BCL2L13: variants seen among roughly 807,000 people sequenced by gnomAD.
BCL2L13 encodes BCL2 like 13, also known as bcl-2-like protein 13.
A neutral mutation model predicts 25.8 loss-of-function variants in BCL2L13; 13 were observed. That is an observed-to-expected ratio of 0.50 (90% CI 0.33 to 0.80). BCL2L13 has a LOEUF of 0.80. Among genes scored for constraint, BCL2L13 ranks in the 30% least tolerant of loss-of-function variants. The pLI is 0.02. For missense variants in BCL2L13, 504 were observed against 574.9 expected (o/e 0.88, Z 1.26); for synonymous variants, 244 against 230.3 (o/e 1.06, Z -0.54).
intron 3 of BCL2L13, among the ~76,000 whole-genome samples, chr22:17,684,943 A>G (rs553885985): frequency 2.0e-5 from 3 of 152,206 alleles, no homozygotes; most frequent in African/African-American, 4.8e-5. Context: ...CGTGTTAGCC[A>G]GGATGGTCTC....
At chr22:17,656,752 A>G (rs1176086872) in intron 2 of BCL2L13, among the ~76,000 whole-genome samples, 1 of 151,998 alleles carries the variant, frequency 6.6e-6, no homozygotes, top group Non-Finnish European at 1.5e-5. Flanking sequence ...TTATACTTTC[A>G]CTTACAATTG....
chr22:17,665,836 C>T (rs1022091864), intron 2 of BCL2L13, among the ~76,000 whole-genome samples: 3 of 151,850 alleles, frequency 2.0e-5, no homozygotes, highest in African/African-American at 4.8e-5. Context: ...AATAATATGC[C>T]GTTGTATGAA....
At chr22:17,665,087 A>G (rs2056162495) in intron 2 of BCL2L13, among the ~76,000 whole-genome samples, 2 of 152,222 alleles carry the variant, frequency 1.3e-5, no homozygotes, top group Non-Finnish European at 2.9e-5. Context: ...CTACTGCATC[A>G]TCAGACTGCA....
At position 17,709,841 on chromosome 22, in the gene BCL2L13, G is replaced by A. The variant is rs542643043; in HGVS notation, c.600+7455G>A. Among the ~76,000 whole-genome samples the A allele has an allele frequency of 5.7e-4, 87 of 151,958 alleles. 1 individual carries two copies. The highest frequency in any genetic ancestry group is 1.9e-3 in the African/African-American group (80 of 41,448). The stretch of plus-strand genomic sequence containing the variant: ...TGTAATCCCAGCACTTTGGGAGGCC[G>A]AGGCAGGCAGATTGCCCAAGTCCAG... On this transcript the variant is annotated intron_variant, in intron 6 of 6. Transcript: ENST00000317582.
At chr22:17,644,346 T>G (rs1392744165) in intron 1 of BCL2L13, among the ~76,000 whole-genome samples, 3 of 151,048 alleles carry the variant, frequency 2.0e-5, no homozygotes, top group Non-Finnish European at 4.4e-5. Context: ...TTTTTTTTTT[T>G]TTTGAGACAG....
intron 1 of BCL2L13, 41 bp downstream of exon 1, chr22:17,638,927 G>A: frequency 8.1e-7 from 1 of 1,228,080 alleles, no homozygotes; most frequent in Non-Finnish European, 1.0e-6. Context: ...GCTGGGTGAG[G>A]AGGTGGTTTT....
chr22:17,697,307 G>A (rs1324677839), intron 5 of BCL2L13, among the ~76,000 whole-genome samples: 1 of 152,040 alleles, frequency 6.6e-6, no homozygotes, highest in Non-Finnish European at 1.5e-5. Context: ...GCATGGTGGC[G>A]CATGCCTGTA....
rs1465170021 is a variant in BCL2L13, at chr22:17,686,542, G to A, written c.230-2444G>A. On this transcript the variant is annotated intron_variant, in intron 3 of 6. Transcript: ENST00000317582. ...CTTTTTTTTTTTGAGACAGAGTCTC[G>A]CTCTGTCACCCAGGCTGGAGTGCAG... Among the ~76,000 whole-genome samples, 11 of 139,102 alleles carry A rather than the reference G, an allele frequency of 7.9e-5. No individual in the cohort carries two copies. In the South Asian group the frequency reaches 2.3e-3, roughly 29 times the overall value. 91.3% of individuals were successfully genotyped at this position (139,102 alleles called of 152,430 possible). A position where few individuals can be genotyped will look rare whatever the true frequency, so the allele number is the denominator to read the frequency against.
chr22:17,656,939 C>G (rs1441326869), intron 2 of BCL2L13, among the ~76,000 whole-genome samples: 3 of 152,148 alleles, frequency 2.0e-5, no homozygotes, highest in African/African-American at 4.8e-5. Context: ...CTGCCTCAGC[C>G]TCTCAAGGAG....
rs536310313 is a variant in BCL2L13, at chr22:17,677,985, C to G, written c.122-5229C>G. ...CGCTTGAGCCTAAGAGGTTGAGGCTCTTGTGAGCCATGATAGTGCCACTGC... is the reference window on the plus strand; with the variant it reads ...CGCTTGAGCCTAAGAGGTTGAGGCTGTTGTGAGCCATGATAGTGCCACTGC... On this transcript the variant is annotated intron_variant, in intron 2 of 6. Transcript: ENST00000317582. Among the ~76,000 whole-genome samples, 20 of 152,228 alleles carry G rather than the reference C, an allele frequency of 1.3e-4. No individual in the cohort carries two copies. The South Asian group carries it at 3.9e-3, about 30-fold the overall frequency.
chr22:17,719,527 A>G (rs2061042339), intron 6 of BCL2L13, among the ~76,000 whole-genome samples: 1 of 152,196 alleles, frequency 6.6e-6, no homozygotes, highest in African/African-American at 2.4e-5. Context: ...CAGCTAATTA[A>G]TAAGTAAAAT....
chr22:17,644,155 C>T (rs1218972231), intron 1 of BCL2L13, among the ~76,000 whole-genome samples: 1 of 151,004 alleles, frequency 6.6e-6, no homozygotes, highest in Non-Finnish European at 1.5e-5. Context: ...AGGTGATCTG[C>T]CCATCTGGTC....
At chr22:17,666,329 C>T (rs1043483779) in intron 2 of BCL2L13, among the ~76,000 whole-genome samples, 8 of 151,630 alleles carry the variant, frequency 5.3e-5, no homozygotes, top group Non-Finnish European at 1.0e-4. Flanking sequence ...ATGGGGTATC[C>T]GTCCCCTCAA....
intron 2 of BCL2L13, among the ~76,000 whole-genome samples, chr22:17,672,987 A>G (rs1011975667): frequency 5.3e-5 from 8 of 152,212 alleles, no homozygotes; most frequent in Non-Finnish European, 1.0e-4. Context: ...GTCAAAAATT[A>G]TAGTCGTATG....
At position 17,661,715 on chromosome 22, in the gene BCL2L13, G is replaced by A. The variant is rs573627755; in HGVS notation, c.121+5883G>A. On this transcript the variant is annotated intron_variant, in intron 2 of 6. Coordinates refer to ENST00000317582, the MANE Select transcript of BCL2L13 (RefSeq NM_015367.4). ...ATTAGAATTGCATAATTATGTGCCG[G>A]GTGTGGTGGCTCACACCTGTGATCC... Among the ~76,000 whole-genome samples the A allele has an allele frequency of 2.1e-5, 3 of 146,106 alleles. 1 individual carries two copies. The highest frequency in any genetic ancestry group is 1.9e-4 in the East Asian group (1 of 5,174).
chr22:17,668,521 C>T (rs1032905996), intron 2 of BCL2L13, among the ~76,000 whole-genome samples: 1 of 151,022 alleles, frequency 6.6e-6, no homozygotes, highest in African/African-American at 2.4e-5. Flanking sequence ...GGTGCTGTCT[C>T]AGCTCACTGC....
chr22:17,697,007 G>A lies in BCL2L13; in HGVS notation c.456+797G>A, dbSNP rs921560992. 2.6e-5 allele frequency among the ~76,000 whole-genome samples: 4 copies of A among 151,948 alleles called. No homozygotes were observed. In the East Asian group the frequency reaches 7.7e-4, roughly 29 times the overall value. ...CTTTTATAGACACCTACCTCTATTT[G>A]GAATTGTTTGTCATGAGTCAGACAT... On this transcript the variant is annotated intron_variant, in intron 5 of 6. Transcript: ENST00000317582.
Position 17,675,693 on chromosome 22 carries a change from T to C in BCL2L13, c.122-7521T>C, listed in dbSNP as rs115255407. On this transcript the variant is annotated intron_variant, in intron 2 of 6. Transcript: ENST00000317582. ...GGAAAAAAATTGAAGGCAAGTCCAT[T>C]AGAGGCAAGCCACCCTTGGAAACAG... is the stretch of plus-strand genomic sequence containing the variant. 3.9e-3 allele frequency among the ~76,000 whole-genome samples: 601 copies of C among 152,286 alleles called. 4 individuals carry two copies. Among genetic ancestry groups the C allele is most frequent in the African/African-American group, 0.014 (582 of 41,566 alleles).
Position 17,729,520 on chromosome 22 carries a change from T to C in BCL2L13, c.*1986T>C, listed in dbSNP as rs2061368403. The C allele has an allele frequency of 6.6e-6, 1 of 152,188 alleles. No homozygotes were observed. Among genetic ancestry groups the C allele is most frequent in the African/African-American group, 2.4e-5 (1 of 41,438 alleles). 9.4% of individuals were successfully genotyped at this position (152,188 alleles called of 1,614,324 possible). A position where few individuals can be genotyped will look rare whatever the true frequency, so the allele number is the denominator to read the frequency against. Reference sequence around the variant, plus strand: ...TTAAAAAGTAATAAATCCTATGAGTTCCAGTATTAACACTTGCCAGTTCTG... The same window carrying C: ...TTAAAAAGTAATAAATCCTATGAGTCCCAGTATTAACACTTGCCAGTTCTG... On this transcript the variant is annotated 3_prime_UTR_variant, in exon 7 of 7. Coordinates refer to ENST00000317582, the MANE Select transcript of BCL2L13 (RefSeq NM_015367.4).
Sources: gnomAD v4.1 joint callset for allele counts (sites outside exome capture counted in the v4.1 genomes callset) on GRCh38, gnomAD v4.1.1 for gene constraint, MANE v1.5 for transcripts, NCBI Gene and HGNC (gene_info 2026-07-23, HGNC 2026-07-21) for gene names.